The following ORC2 variants were observed in gnomAD, a reference collection of about 807,000 sequenced individuals.
ORC2 encodes the protein origin recognition complex subunit 2, also known as origin recognition complex protein 2 homolog.
ORC2 carries 37 observed loss-of-function variants against 77.7 expected under a neutral mutation model. The observed-to-expected ratio is 0.48, with a 90% confidence interval of 0.37 to 0.63. ORC2 has a LOEUF of 0.63. Ranked by LOEUF, ORC2 falls within the 20% of genes least tolerant of loss-of-function variation. The pLI is 0.00. For missense variants in ORC2, 557 were observed against 661.9 expected, an observed-to-expected ratio of 0.84 and a Z score of 1.74; for synonymous variants, 201 against 229.5, an observed-to-expected ratio of 0.88 and a Z score of 1.12.
chr2:200,930,791 G>C (rs1015499296), intron 11 of ORC2, among the ~76,000 whole-genome samples: 3 of 151,906 alleles, frequency 2.0e-5, no homozygotes, highest in African/African-American at 7.2e-5. Context: ...CATTCTTCTA[G>C]GTGTTTTAAT....
chr2:200,923,298 G>A (rs990130561), intron 13 of ORC2, among the ~76,000 whole-genome samples: 7 of 152,026 alleles, frequency 4.6e-5, no homozygotes, highest in Admixed American at 1.3e-4. Flanking sequence ...GCCCAGGCTG[G>A]AGTGCAGTGA....
intron 13 of ORC2, among the ~76,000 whole-genome samples, chr2:200,922,219 G>T (rs1260182373): frequency 6.6e-6 from 1 of 151,696 alleles, no homozygotes; most frequent in African/African-American, 2.4e-5. Context: ...GTCAGTGAAG[G>T]AGGAATTTAG....
At chr2:200,953,825 G>T (rs2041411536) in intron 4 of ORC2, among the ~76,000 whole-genome samples, 1 of 152,042 alleles carries the variant, frequency 6.6e-6, no homozygotes, top group South Asian at 2.1e-4. Context: ...AAGCTTTTTT[G>T]TGTGTGTATG....
At chr2:200,912,341 TCAAA>T (rs2040565169) in intron 17 of ORC2, among the ~76,000 whole-genome samples, 2 of 152,328 alleles carry the variant, frequency 1.3e-5, no homozygotes, top group South Asian at 4.1e-4. Context: ...CAAAGGAACC[TCAAA>T]CAGAGTTGTC....
chr2:200,928,540 G>A (rs1185249105), intron 11 of ORC2, among the ~76,000 whole-genome samples: 2 of 150,620 alleles, frequency 1.3e-5, no homozygotes, highest in African/African-American at 2.4e-5. Context: ...AAGGCCAGGC[G>A]CAGTGGCTCA....
intron 11 of ORC2, among the ~76,000 whole-genome samples, chr2:200,927,390 A>G (rs1363997888): frequency 6.6e-6 from 1 of 151,716 alleles, no homozygotes; most frequent in Non-Finnish European, 1.5e-5. Flanking sequence ...AGCCAAAAAT[A>G]TTTTTATTTA....
intron 2 of ORC2, among the ~76,000 whole-genome samples, chr2:200,958,616 T>C (rs75544297): frequency 0.028 from 4,338 of 152,316 alleles, 217 homozygotes; most frequent in African/African-American, 0.099. Flanking sequence ...GTCCTAAGCC[T>C]GGATCAAAAA....
intron 5 of ORC2, among the ~76,000 whole-genome samples, chr2:200,947,168 C>T (rs572958164): frequency 6.6e-6 from 1 of 151,976 alleles, no homozygotes; most frequent in East Asian, 1.9e-4. Context: ...TCCCAAAGTG[C>T]TGGGATTACA....
chr2:200,956,791 A>G (rs991750149), intron 4 of ORC2, among the ~76,000 whole-genome samples: 4 of 152,150 alleles, frequency 2.6e-5, no homozygotes, highest in Non-Finnish European at 4.4e-5. Context: ...TAAATAAATA[A>G]ATAAATAATC....
chr2:200,915,762 T>C (rs1575149703), intron 15 of ORC2, among the ~76,000 whole-genome samples: 1 of 152,142 alleles, frequency 6.6e-6, no homozygotes, highest in Admixed American at 6.6e-5. Context: ...GGTGCGATCT[T>C]GGCTCACTGC....
chr2:200,952,971 G>A (rs1346727825), intron 4 of ORC2, among the ~76,000 whole-genome samples: 1 of 151,780 alleles, frequency 6.6e-6, no homozygotes. Flanking sequence ...AACTAGCCAG[G>A]CATGGTGGTC....
intron 14 of ORC2, 134 bp from the exon 15 acceptor site, chr2:200,920,527 A>G (rs1277162498): frequency 8.9e-6 from 5 of 564,448 alleles, no homozygotes; most frequent in Admixed American, 7.3e-5. Context: ...TGCCACTTCC[A>G]TATCTAAATC....
chr2:200,934,013 A>G (rs1468446528), intron 9 of ORC2, 39 bp from the exon 10 acceptor site: 1 of 996,998 alleles, frequency 1.0e-6, no homozygotes, highest in South Asian at 1.4e-5. Context: ...AGTAGCTTCA[A>G]ATATCTGTCT....
At chr2:200,919,268 T>A (rs904877881) in intron 15 of ORC2, among the ~76,000 whole-genome samples, 1 of 152,260 alleles carries the variant, frequency 6.6e-6, no homozygotes, top group Non-Finnish European at 1.5e-5. Flanking sequence ...TTTCAACACT[T>A]CATCTTGTTA....
Position 200,935,800 on chromosome 2 carries a change from T to A in ORC2, c.607A>T (p.Asn203Tyr). ...GVAQEHEEDT[N>Y]AVIFSQKIQA... Reference sequence around the variant, plus strand: ...ATCTTTTGGCTGAATATGACTGCATTAGTGTCCTCTTCATGTTCCTGTGCA... The same window carrying A: ...ATCTTTTGGCTGAATATGACTGCATAAGTGTCCTCTTCATGTTCCTGTGCA... The change falls in exon 9 of 18, where the codon AAT becomes TAT. Residue 203 changes from asparagine (N) to tyrosine (Y), a missense_variant. Transcript: ENST00000234296. 1 of 1,614,080 alleles carries A rather than the reference T, an allele frequency of 6.2e-7. No homozygotes were observed. The highest frequency in any genetic ancestry group is 8.5e-7 in the Non-Finnish European group (1 of 1,179,942).
At chr2:200,914,409 G>A (rs17426006) in intron 15 of ORC2, among the ~76,000 whole-genome samples, 187 of 152,128 alleles carry the variant, frequency 1.2e-3, no homozygotes, top group Non-Finnish European at 1.1e-3. Flanking sequence ...CTCGTGATCC[G>A]CCCGCCTCGG....
intron 8 of ORC2, among the ~76,000 whole-genome samples, chr2:200,936,707 T>C (rs776471653): frequency 5.3e-5 from 8 of 152,182 alleles, no homozygotes; most frequent in Non-Finnish European, 8.8e-5. Context: ...ATTATAATTA[T>C]TACTAATACA....
At chr2:200,954,272 G>A (rs530129221) in intron 4 of ORC2, among the ~76,000 whole-genome samples, 14 of 152,196 alleles carry the variant, frequency 9.2e-5, no homozygotes, top group Admixed American at 5.2e-4. Flanking sequence ...GTCCTCAGGC[G>A]ATCCACCCGC....
intron 5 of ORC2, among the ~76,000 whole-genome samples, chr2:200,944,948 C>A (rs143239658): frequency 0.012 from 1,794 of 152,268 alleles, 17 homozygotes; most frequent in Non-Finnish European, 0.02. Context: ...TCTATGGGGC[C>A]AAACCCAGCC....
Sources: allele counts gnomAD v4.1 joint callset (sites outside exome capture counted in the v4.1 genomes callset), GRCh38; gene constraint gnomAD v4.1.1; transcripts MANE v1.5; gene names NCBI Gene and HGNC (gene_info 2026-07-23, HGNC 2026-07-21).